Variants in SNX19 observed in about 807,000 individuals in gnomAD.
SNX19 encodes sorting nexin-19.
A neutral mutation model predicts 85.2 loss-of-function variants in SNX19; 60 were observed. That is an observed-to-expected ratio of 0.70 (90% CI 0.57 to 0.87). The LOEUF (loss-of-function observed/expected upper bound fraction) is 0.87. Among genes scored for constraint, SNX19 ranks in the 40% least tolerant of loss-of-function variants. SNX19 has a pLI of 0.00. For missense variants in SNX19, 1,201 were observed against 1,217.8 expected (o/e 0.99, Z 0.21); for synonymous variants, 520 against 470.0 (o/e 1.11, Z -1.38).
Position 130,875,197 on chromosome 11 carries a change from C to G in SNX19, c.*3225G>C, listed in dbSNP as rs1467073130. Among the ~76,000 whole-genome samples, 2 of 152,188 alleles carry G rather than the reference C, an allele frequency of 1.3e-5. No individual in the cohort carries two copies. Among genetic ancestry groups the G allele is most frequent in the Non-Finnish European group, 2.9e-5 (2 of 68,038 alleles). On this transcript the variant is annotated 3_prime_UTR_variant, in exon 11 of 11. Transcript: ENST00000265909. ...CAGCCTTAAAAAGAAAATTCTGTCA[C>G]ATGCTGTAACGTGGATGAACCTGGA...
rs1005805895 is a variant in SNX19 at position 130,898,971 on chromosome 11, C to G, written c.2573+4284G>C. Among the ~76,000 whole-genome samples the G allele has an allele frequency of 2.6e-5, 4 of 152,126 alleles. No homozygotes were observed. The East Asian group carries it at 7.7e-4, about 29-fold the overall frequency. ...TCATCACAGCTATAAATCAGAAAAACCTGGGTTCAAATTCTGCTTGTGATA... is the reference window on the plus strand; with the variant it reads ...TCATCACAGCTATAAATCAGAAAAAGCTGGGTTCAAATTCTGCTTGTGATA... On this transcript the variant is annotated intron_variant, in intron 8 of 10. Transcript: ENST00000265909.
intron 10 of SNX19, among the ~76,000 whole-genome samples, chr11:130,878,765 A>G (rs1943431309): frequency 6.6e-6 from 1 of 152,232 alleles, no homozygotes; most frequent in Non-Finnish European, 1.5e-5. Flanking sequence ...CTAGTTTTAT[A>G]TAAGACTAAG....
intron 8 of SNX19, among the ~76,000 whole-genome samples, chr11:130,902,236 T>C (rs1344015915): frequency 6.6e-6 from 1 of 152,188 alleles, no homozygotes; most frequent in African/African-American, 2.4e-5. Flanking sequence ...TACATGTAAA[T>C]GGAGATTGGG....
chr11:130,910,519 T>A, intron 2 of SNX19, 149 bp from the exon 3 acceptor site: 1 of 636,218 alleles, frequency 1.6e-6, no homozygotes, highest in Non-Finnish European at 2.7e-6. Flanking sequence ...ATACATACGA[T>A]CCATATGATC....
At position 130,877,166 on chromosome 11, in the gene SNX19, T is replaced by G. The variant is rs1038290508; in HGVS notation, c.*1256A>C. On this transcript the variant is annotated 3_prime_UTR_variant, in exon 11 of 11. Transcript: ENST00000265909. ...ACAGGCGAGTGTGAAGCCAAAGGGC[T>G]CCCAGTGACATCCTTGACATCTTTT... 8 of 152,202 alleles carry G rather than the reference T, an allele frequency of 5.3e-5. No homozygotes were observed. The highest frequency in any genetic ancestry group is 5.2e-4 in the Admixed American group (8 of 15,282). The allele number at this position is 152,202 out of a possible 1,614,324, so 9.4% of individuals were successfully genotyped here. A position where few individuals can be genotyped will look rare whatever the true frequency, so the allele number is the denominator to read the frequency against.
At chr11:130,882,230 G>A (rs1390107992) in intron 8 of SNX19, among the ~76,000 whole-genome samples, 4 of 152,228 alleles carry the variant, frequency 2.6e-5, no homozygotes, top group East Asian at 1.9e-4. Context: ...GACTGACATA[G>A]CTGTGTGGGT....
chr11:130,879,278 G>C (rs559392258), intron 10 of SNX19, among the ~76,000 whole-genome samples: 1 of 152,342 alleles, frequency 6.6e-6, no homozygotes, highest in South Asian at 2.1e-4. Flanking sequence ...GGGGCTGGCA[G>C]ATGTTGGAAA....
At chr11:130,908,547 T>C (rs557750434) in intron 4 of SNX19, among the ~76,000 whole-genome samples, 2 of 152,294 alleles carry the variant, frequency 1.3e-5, no homozygotes, top group Admixed American at 6.5e-5. Flanking sequence ...TTAAGGGGCA[T>C]AGTAATATTA....
intron 8 of SNX19, among the ~76,000 whole-genome samples, chr11:130,892,015 T>C (rs913936308): frequency 6.6e-6 from 1 of 151,710 alleles, no homozygotes; most frequent in Non-Finnish European, 1.5e-5. Flanking sequence ...AAATTTTTTT[T>C]GTATTTTCAG....
rs1943247743 is a variant in SNX19, at chr11:130,876,338, T to C, written c.*2084A>G. On this transcript the variant is annotated 3_prime_UTR_variant, in exon 11 of 11. Transcript: ENST00000265909. ...GCCAGATGAGTTCTGATTGTTCCCT[T>C]GGCAATATCCATTATTTCCCTCCTG... 1 of 152,340 alleles carries C rather than the reference T, an allele frequency of 6.6e-6. No homozygotes were observed. The highest frequency in any genetic ancestry group is 1.5e-5 in the Non-Finnish European group (1 of 68,044). The allele number at this position is 152,340 out of a possible 1,614,324, so 9.4% of individuals were successfully genotyped here.
At position 130,910,323 on chromosome 11, in the gene SNX19, T is replaced by C. The variant is rs1159890806; in HGVS notation, c.1861A>G (p.Met621Val). ...KLFPDLPLGN[M>V]DSDRVEARKS... is the part of the protein sequence containing the mutation. ...CGGGCTTCTACTCTGTCACTGTCCA[T>C]GTTTCCCAATGGAAGATCTGGAAAG... Residue 621 changes from methionine (M) to valine (V), a missense_variant, in exon 3 of 11, where the codon ATG becomes GTG. This residue lies in a region of SNX19 where 125 missense variants were observed against 171.6 expected (regional missense o/e 0.73). Transcript: ENST00000265909. 2 of 1,612,706 alleles carry C rather than the reference T, an allele frequency of 1.2e-6. No homozygotes were observed. The highest frequency in any genetic ancestry group is 2.7e-5 in the African/African-American group (2 of 74,616).
At position 130,876,050 on chromosome 11, in the gene SNX19, G is replaced by A. The variant is rs1048555453; in HGVS notation, c.*2372C>T. ...AGAAAGAACACAGCATCCCTGCCTC[G>A]TCTTTTTTATAGATAGTAAGAAAAG... is the stretch of plus-strand genomic sequence containing the variant. On this transcript the variant is annotated 3_prime_UTR_variant, in exon 11 of 11. Coordinates refer to ENST00000265909, the MANE Select transcript of SNX19 (RefSeq NM_014758.3). 1.3e-5 allele frequency: 2 copies of A among 152,106 alleles called. No homozygotes were observed. The highest frequency in any genetic ancestry group is 2.4e-5 in the African/African-American group (1 of 41,412). 9.4% of individuals were successfully genotyped at this position (152,106 alleles called of 1,614,324 possible). A position where few individuals can be genotyped will look rare whatever the true frequency, so the allele number is the denominator to read the frequency against.
At chr11:130,908,189 G>T (rs1159150739) in intron 4 of SNX19, 106 bp from the exon 5 acceptor site, 11 of 1,337,976 alleles carry the variant, frequency 8.2e-6, no homozygotes, top group South Asian at 1.4e-5. Flanking sequence ...AAGGAGAGGG[G>T]CCAGGCTATC....
chr11:130,898,181 A>T (rs559760175), intron 8 of SNX19, among the ~76,000 whole-genome samples: 3 of 149,226 alleles, frequency 2.0e-5, no homozygotes, highest in East Asian at 3.9e-4. Context: ...CAGGATAGAG[A>T]GTGTGCTTAT....
chr11:130,872,794 T>C lies in SNX19; in HGVS notation c.*5628A>G, dbSNP rs1447795401. ...GTTTCCCTTCCTCCCCAGTTACCAT[T>C]CTTTCCCTGGTTCCCATCCCCTTCC... On this transcript the variant is annotated 3_prime_UTR_variant, in exon 11 of 11. Coordinates refer to ENST00000265909, the MANE Select transcript of SNX19 (RefSeq NM_014758.3). Among the ~76,000 whole-genome samples, 2 of 152,150 alleles carry C rather than the reference T, an allele frequency of 1.3e-5. No individual in the cohort carries two copies. The highest frequency in any genetic ancestry group is 3.9e-4 in the East Asian group (2 of 5,184).
intron 8 of SNX19, among the ~76,000 whole-genome samples, chr11:130,894,307 G>A (rs187888987): frequency 1.3e-5 from 2 of 152,194 alleles, no homozygotes; most frequent in South Asian, 4.2e-4. Context: ...AATTTTTAAC[G>A]GGTGGGATCC....
rs769498026 is a variant in SNX19 at position 130,879,639 on chromosome 11, T to G, written c.2831A>C (p.Gln944Pro). 3 of 1,613,950 alleles carry G rather than the reference T, an allele frequency of 1.9e-6. No homozygotes were observed. The East Asian group carries it at 6.7e-5, about 36-fold the overall frequency. Reference protein sequence around the residue: ...SWGLVLESLQQPLINRHLIYC... With the variant: ...SWGLVLESLQPPLINRHLIYC... ...TCCCACTTACCTGTTGATGAGGGGT[T>G]GTTGTAGTGACTCCAGGACTAGACC... Residue 944 changes from glutamine to proline, a missense_variant, in exon 10 of 11, where the codon CAA becomes CCA. Physicochemically the swap from Gln to Pro is moderately conservative, Grantham distance 76 (BLOSUM62 -1). Around this residue, in one of 3 missense-constraint regions of SNX19, gnomAD observed 285 missense variants for 295.3 expected, o/e 0.97. Transcript: ENST00000265909.
At position 130,872,009 on chromosome 11, in the gene SNX19, C is replaced by T. The variant is rs553155621; in HGVS notation, c.*6413G>A. The stretch of plus-strand genomic sequence containing the variant: ...TTTGGATCTTGATTACTGTTACCTT[C>T]GTTTTGTTTTTTTAATTCTCCCCTC... On this transcript the variant is annotated 3_prime_UTR_variant, in exon 11 of 11. Coordinates refer to ENST00000265909, the MANE Select transcript of SNX19 (RefSeq NM_014758.3). 1.3e-5 allele frequency among the ~76,000 whole-genome samples: 2 copies of T among 152,248 alleles called. No individual in the cohort carries two copies. The highest frequency in any genetic ancestry group is 6.5e-5 in the Admixed American group (1 of 15,284).
At chr11:130,881,029 C>T (rs1206692651) in intron 8 of SNX19, 6 of 363,294 alleles carry the variant, frequency 1.7e-5, no homozygotes, top group Non-Finnish European at 3.0e-5. Context: ...ACCCCTTTTG[C>T]CATATGAGGA....
Sources: gnomAD v4.1 joint callset for allele counts (sites outside exome capture counted in the v4.1 genomes callset) on GRCh38, gnomAD v4.1.1 for gene constraint, gnomAD v4.1.1 regional missense constraint, MANE v1.5 for transcripts, NCBI Gene and HGNC (gene_info 2026-07-23, HGNC 2026-07-21) for gene names.